Variants in TERB1 observed in about 807,000 individuals in gnomAD.
TERB1 encodes the protein telomere repeat binding bouquet formation protein 1.
TERB1 carries 63 observed loss-of-function variants against 92.3 expected under a neutral mutation model. The ratio of observed to expected loss-of-function variants is 0.68; its 90% confidence interval spans 0.56 to 0.84. The LOEUF is 0.84. Among genes scored for constraint, TERB1 ranks in the 40% least tolerant of loss-of-function variants. The pLI, the probability that TERB1 is intolerant of heterozygous loss-of-function variation, is 0.00. For missense variants in TERB1, 709 were observed against 843.7 expected (o/e 0.84, Z 1.98); for synonymous variants, 252 against 283.9 (o/e 0.89, Z 1.13).
At chr16:66,755,481 A>C (rs1180016253) in intron 18 of TERB1, among the ~76,000 whole-genome samples, 1 of 152,250 alleles carries the variant, frequency 6.6e-6, no homozygotes, top group African/African-American at 2.4e-5. Flanking sequence ...GACAGTTAAC[A>C]AACATCTTAC....
chr16:66,761,482 A>AAAGG, intron 16 of TERB1, among the ~76,000 whole-genome samples: 1 of 148,812 alleles, frequency 6.7e-6, no homozygotes, highest in Non-Finnish European at 1.5e-5. Context: ...AGAAAGAAAG[A>AAAGG]AAAGAAAAGA....
Position 66,785,820 on chromosome 16 carries a change from A to G in TERB1, c.666T>C (p.Ile222=). 2 of 1,548,410 alleles carry G rather than the reference A, an allele frequency of 1.3e-6. No homozygotes were observed. The highest frequency in any genetic ancestry group is 2.4e-5 in the South Asian group (2 of 82,888). The change falls in exon 9 of 19, where the codon ATT becomes ATC. Residue 222 remains isoleucine (I), a synonymous_variant. Transcript: ENST00000433154. ...CAAGAGTGAGTCCAATAAATGAGCA[A>G]ATAGGGCGAATTATCTCAGGTGTCG... is the stretch of plus-strand genomic sequence containing the variant. ...NCTTPEIIRP[I]CSFIGLTLAN...
At chr16:66,761,966 T>C (rs1163491921) in intron 16 of TERB1, among the ~76,000 whole-genome samples, 3 of 152,146 alleles carry the variant, frequency 2.0e-5, no homozygotes, top group Non-Finnish European at 2.9e-5. Flanking sequence ...GGCAGGAGAA[T>C]CGCTTGAACC....
chr16:66,782,508 C>G (rs2018653532), intron 9 of TERB1, among the ~76,000 whole-genome samples: 1 of 150,770 alleles, frequency 6.6e-6, no homozygotes, highest in African/African-American at 2.4e-5. Context: ...CGAGACTGTA[C>G]CATGCACGCC....
At chr16:66,761,465 A>AAAAAAG (rs1555507527) in intron 16 of TERB1, among the ~76,000 whole-genome samples, 5 of 149,098 alleles carry the variant, frequency 3.4e-5, no homozygotes, top group African/African-American at 7.5e-5. Flanking sequence ...AAAAAAAAAA[A>AAAAAAG]AAAGAAAGAA....
In TERB1 at chr16:66,788,312, ATAATTT is replaced by A. The variant is rs1017383022; in HGVS notation, c.272-21_272-16del. The A allele has an allele frequency of 2.9e-5, 42 of 1,464,024 alleles. No homozygotes were observed. The highest frequency in any genetic ancestry group is 3.8e-5 in the Non-Finnish European group (42 of 1,113,246). The allele number at this position is 1,464,024 out of a possible 1,614,324, so 90.7% of individuals were successfully genotyped here. On this transcript the variant is annotated splice_polypyrimidine_tract_variant and intron_variant, in intron 5 of 18. Transcript: ENST00000433154. ...CTGACAGTAAACTGAAATATAAAAT[ATAATTT>A]TAATTTCAATGCATTGTCACAAACA...
intron 5 of TERB1, 35 bp from the exon 6 acceptor site, chr16:66,788,332 T>C (rs965859778): frequency 3.4e-6 from 5 of 1,451,368 alleles, no homozygotes; most frequent in Admixed American, 6.5e-5. Flanking sequence ...TTTCAATGCA[T>C]TGTCACAAAC....
intron 13 of TERB1, 104 bp from the exon 14 acceptor site, chr16:66,770,413 G>T: frequency 1.3e-6 from 1 of 774,938 alleles, no homozygotes; most frequent in Non-Finnish European, 2.0e-6. Context: ...GTTTATGATT[G>T]CCAATAGAAC....
chr16:66,796,878 G>T, intron 2 of TERB1, 48 bp from the exon 3 acceptor site: 1 of 1,031,572 alleles, frequency 9.7e-7, no homozygotes, highest in Non-Finnish European at 1.4e-6. Flanking sequence ...TTTGAGAATG[G>T]CAAAGATATA....
chr16:66,791,047 A>C, intron 3 of TERB1, 28 bp from the exon 4 acceptor site: 1 of 1,292,846 alleles, frequency 7.7e-7, no homozygotes, highest in South Asian at 1.4e-5. Flanking sequence ...CATTATTTTA[A>C]ACCAAAAGGT....
In TERB1 at chr16:66,758,787, G is replaced by A. The variant is rs758189236; in HGVS notation, c.1982C>T (p.Thr661Ile). 3 of 1,531,306 alleles carry A rather than the reference G, an allele frequency of 2.0e-6. No individual in the cohort carries two copies. Among genetic ancestry groups the A allele is most frequent in the Non-Finnish European group, 2.6e-6 (3 of 1,132,234 alleles). The allele number at this position is 1,531,306 out of a possible 1,614,324, so 94.9% of individuals were successfully genotyped here. A position where few individuals can be genotyped will look rare whatever the true frequency, so the allele number is the denominator to read the frequency against. ...AATATATTCACTTATTCCTCCAGGG[G>A]TAGTAGATTCATTACTGAGTCGTTG... The part of the protein sequence containing the change: ...RRQRLSNEST[T>I]PGGIKKRRIR... The change falls in exon 18 of 19, where the codon ACC becomes ATC. Residue 661 changes from threonine to isoleucine, a missense_variant. Thr to Ile is a moderately conservative substitution (Grantham distance 89). Transcript: ENST00000433154.
Position 66,758,808 on chromosome 16 carries a change from CGTT to C in TERB1, c.1958_1960del (p.Gln653del), listed in dbSNP as rs1232889474. On this transcript the variant is annotated inframe_deletion, in exon 18 of 19. Transcript: ENST00000433154. ...AGGGGTAGTAGATTCATTACTGAGT[CGTT>C]GTCTTCTACGTGGGGTCAGCAGAAT... is the stretch of plus-strand genomic sequence containing the variant. 5.9e-6 allele frequency: 9 copies of C among 1,536,244 alleles called. No individual in the cohort carries two copies. Among genetic ancestry groups the C allele is most frequent in the Non-Finnish European group, 6.1e-6 (7 of 1,138,748 alleles).
At chr16:66,765,056 T>C (rs2018315447) in intron 16 of TERB1, among the ~76,000 whole-genome samples, 1 of 152,204 alleles carries the variant, frequency 6.6e-6, no homozygotes, top group African/African-American at 2.4e-5. Flanking sequence ...AGGAGAATAC[T>C]TGTGGCAATC....
intron 16 of TERB1, among the ~76,000 whole-genome samples, chr16:66,761,644 C>T (rs1289511555): frequency 1.3e-5 from 2 of 151,704 alleles, no homozygotes; most frequent in African/African-American, 2.4e-5. Context: ...AAATATTAGC[C>T]GGGTGTGGTG....
chr16:66,755,227 T>G (rs1053144787), intron 18 of TERB1, 64 bp from the exon 19 acceptor site: 3 of 966,066 alleles, frequency 3.1e-6, no homozygotes, highest in Non-Finnish European at 4.7e-6. Context: ...TGCAAATAAG[T>G]GCTTATTTGG....
chr16:66,759,129 T>C lies in TERB1; in HGVS notation c.1930+12A>G. The C allele has an allele frequency of 6.5e-7, 1 of 1,529,066 alleles. No homozygotes were observed. The highest frequency in any genetic ancestry group is 8.8e-7 in the Non-Finnish European group (1 of 1,137,088). The allele number at this position is 1,529,066 out of a possible 1,614,324, so 94.7% of individuals were successfully genotyped here. On this transcript the variant is annotated intron_variant, in intron 17 of 18. Coordinates refer to ENST00000433154, the MANE Select transcript of TERB1 (RefSeq NM_001136505.2). ...GCCATAATTACAATTTTAAAGCTGC[T>C]GAATTAATTACTTTTGTTACAGATA...
At chr16:66,770,610 C>A (rs1285204708) in intron 13 of TERB1, among the ~76,000 whole-genome samples, 1 of 151,848 alleles carries the variant, frequency 6.6e-6, no homozygotes, top group Non-Finnish European at 1.5e-5. Flanking sequence ...TAAAAGAAAC[C>A]ATTATATTTT....
chr16:66,762,876 T>C (rs2018276285), intron 16 of TERB1, among the ~76,000 whole-genome samples: 1 of 151,386 alleles, frequency 6.6e-6, no homozygotes, highest in Admixed American at 6.6e-5. Flanking sequence ...TAGAGACAGG[T>C]TTCACTATGT....
Position 66,754,947 on chromosome 16 carries a change from CA to C in TERB1, c.*28del. 1 of 1,526,110 alleles carries C rather than the reference CA, an allele frequency of 6.6e-7. No individual in the cohort carries two copies. The highest frequency in any genetic ancestry group is 8.8e-7 in the Non-Finnish European group (1 of 1,137,636). 94.5% of individuals were successfully genotyped at this position (1,526,110 alleles called of 1,614,324 possible). A position where few individuals can be genotyped will look rare whatever the true frequency, so the allele number is the denominator to read the frequency against. On this transcript the variant is annotated 3_prime_UTR_variant, in exon 19 of 19. Coordinates refer to ENST00000433154, the MANE Select transcript of TERB1 (RefSeq NM_001136505.2). ...TTCAAGGCACTGTATTTTAAGAATC[CA>C]AACTAAAAACTGACAGTCTTCTTTC...
Sources: allele counts gnomAD v4.1 joint callset (sites outside exome capture counted in the v4.1 genomes callset), GRCh38; gene constraint gnomAD v4.1.1; transcripts MANE v1.5; gene names NCBI Gene and HGNC (gene_info 2026-07-23, HGNC 2026-07-21).